The following MAGI2 variants were observed in gnomAD, a reference collection of about 807,000 sequenced individuals.
MAGI2 encodes the protein membrane associated guanylate kinase, WW and PDZ domain containing 2.
A neutral mutation model predicts 133.3 loss-of-function variants in MAGI2; 35 were observed. That is an observed-to-expected ratio of 0.26 (90% confidence interval 0.20 to 0.35). The LOEUF is 0.35. Among genes scored for constraint, MAGI2 ranks in the 10% least tolerant of loss-of-function variants. The pLI, the probability that MAGI2 is intolerant of heterozygous loss-of-function variation, is 1.00. For missense variants in MAGI2, 1,636 were observed against 1,863.4 expected, an observed-to-expected ratio of 0.88 and a Z score of 2.25; for synonymous variants, 729 against 710.6, an observed-to-expected ratio of 1.03 and a Z score of -0.41.
intron 2 of MAGI2, among the ~76,000 whole-genome samples, chr7:78,674,904 T>A (rs773410367): frequency 6.6e-6 from 1 of 152,134 alleles, no homozygotes; most frequent in African/African-American, 2.4e-5. Context: ...GATTTGGCAT[T>A]CCTGAAATAT....
chr7:78,840,616 G>A (rs930607645), intron 2 of MAGI2, among the ~76,000 whole-genome samples: 8 of 151,956 alleles, frequency 5.3e-5, no homozygotes, highest in Non-Finnish European at 1.2e-4. Flanking sequence ...CAAATAGTGA[G>A]ATGCTGCATC....
intron 6 of MAGI2, among the ~76,000 whole-genome samples, chr7:78,431,644 T>A (rs182091461): frequency 6.6e-6 from 1 of 152,126 alleles, no homozygotes; most frequent in Admixed American, 6.6e-5. Context: ...CCAGAATCTA[T>A]GGCAACTACC....
chr7:79,349,394 C>T (rs375266990), intron 1 of MAGI2, among the ~76,000 whole-genome samples: 1 of 151,902 alleles, frequency 6.6e-6, no homozygotes. Context: ...TATTCTACTT[C>T]TTAGGATCTC....
intron 2 of MAGI2, among the ~76,000 whole-genome samples, chr7:78,978,123 A>G (rs2116120589): frequency 6.6e-6 from 1 of 151,942 alleles, no homozygotes; most frequent in East Asian, 1.9e-4. Flanking sequence ...CAGGTTCTTT[A>G]ACACTAAATG....
intron 5 of MAGI2, among the ~76,000 whole-genome samples, chr7:78,495,867 T>C: frequency 6.6e-6 from 1 of 152,188 alleles, no homozygotes; most frequent in East Asian, 1.9e-4. Flanking sequence ...CACCAGAATC[T>C]TGTGCAGGCA....
intron 9 of MAGI2, among the ~76,000 whole-genome samples, chr7:78,264,272 C>A (rs1793789963): frequency 6.6e-6 from 1 of 152,098 alleles, no homozygotes; most frequent in Admixed American, 6.6e-5. Context: ...TCTCTAAAGT[C>A]ACATTGATAA....
intron 20 of MAGI2, among the ~76,000 whole-genome samples, chr7:78,108,957 G>C (rs76521225): frequency 0.012 from 1,785 of 152,040 alleles, 31 homozygotes; most frequent in African/African-American, 0.041. Context: ...TGGAGGAATA[G>C]AGTAGCATAC....
At chr7:78,990,664 A>C (rs1483689037) in intron 2 of MAGI2, among the ~76,000 whole-genome samples, 3 of 152,050 alleles carry the variant, frequency 2.0e-5, no homozygotes, top group African/African-American at 7.2e-5. Flanking sequence ...TGGGGCTTTA[A>C]ACATTTATTT....
At chr7:78,424,075 A>T (rs1799049438) in intron 6 of MAGI2, among the ~76,000 whole-genome samples, 1 of 152,214 alleles carries the variant, frequency 6.6e-6, no homozygotes, top group Non-Finnish European at 1.5e-5. Flanking sequence ...AGAGGTCTTC[A>T]TGGCAGCCCC....
chr7:78,231,329 T>C (rs549815096), intron 10 of MAGI2, among the ~76,000 whole-genome samples: 68 of 152,228 alleles, frequency 4.5e-4, no homozygotes, highest in African/African-American at 1.5e-3. Flanking sequence ...GGAATACTCT[T>C]TGGAATTCTG....
intron 6 of MAGI2, among the ~76,000 whole-genome samples, chr7:78,456,281 G>A (rs1186152240): frequency 1.3e-5 from 2 of 151,968 alleles, no homozygotes; most frequent in East Asian, 1.9e-4. Flanking sequence ...AAACTTTAAG[G>A]CTTTTTATAA....
At chr7:78,797,093 T>C (rs1787679233) in intron 2 of MAGI2, among the ~76,000 whole-genome samples, 1 of 152,120 alleles carries the variant, frequency 6.6e-6, no homozygotes, top group South Asian at 2.1e-4. Context: ...TAATTAACAA[T>C]GATTTACTGA....
At chr7:78,408,767 G>A (rs1797613001) in intron 6 of MAGI2, among the ~76,000 whole-genome samples, 1 of 152,042 alleles carries the variant, frequency 6.6e-6, no homozygotes, top group African/African-American at 2.4e-5. Flanking sequence ...ATAATTTTAT[G>A]TTGATTATAT....
intron 9 of MAGI2, among the ~76,000 whole-genome samples, chr7:78,298,709 G>A (rs1225582847): frequency 1.3e-5 from 2 of 151,396 alleles, no homozygotes; most frequent in South Asian, 2.1e-4. Context: ...TTGCCATGTT[G>A]CCCAGGCTGG....
intron 1 of MAGI2, chr7:79,353,358 G>C (rs993399582): frequency 4.6e-6 from 2 of 430,442 alleles, no homozygotes; most frequent in African/African-American, 4.0e-5. Flanking sequence ...CTTCAGTCAT[G>C]GAGGAAGCCT....
intron 9 of MAGI2, among the ~76,000 whole-genome samples, chr7:78,289,187 C>G (rs559670668): frequency 1.3e-5 from 2 of 151,978 alleles, no homozygotes; most frequent in African/African-American, 4.8e-5. Flanking sequence ...TCGAACCCAT[C>G]GCAAAGAAGC....
At chr7:78,710,186 G>C (rs1254645543) in intron 2 of MAGI2, among the ~76,000 whole-genome samples, 1 of 152,088 alleles carries the variant, frequency 6.6e-6, no homozygotes, top group Non-Finnish European at 1.5e-5. Flanking sequence ...TAGCAGACAA[G>C]ATTACACACA....
intron 1 of MAGI2, among the ~76,000 whole-genome samples, chr7:79,341,024 C>T (rs1840863277): frequency 6.6e-6 from 1 of 152,052 alleles, no homozygotes; most frequent in South Asian, 2.1e-4. Flanking sequence ...CAACTATAGC[C>T]AGTGAACTTG....
chr7:79,307,972 T>G (rs978702366), intron 1 of MAGI2, among the ~76,000 whole-genome samples: 2 of 152,214 alleles, frequency 1.3e-5, no homozygotes, highest in African/African-American at 4.8e-5. Flanking sequence ...CTGAGTTTGG[T>G]TCCACATTCC....
Sources: gnomAD v4.1 joint callset for allele counts (sites outside exome capture counted in the v4.1 genomes callset) on GRCh38, gnomAD v4.1.1 for gene constraint, MANE v1.5 for transcripts, NCBI Gene and HGNC (gene_info 2026-07-23, HGNC 2026-07-21) for gene names.